Variants in ACP3 observed in about 807,000 individuals in gnomAD.
The protein encoded by ACP3 is acid phosphatase 3, also known as prostatic acid phosphatase.
In ACP3, 38 loss-of-function variants were observed where a neutral mutation model predicts 45.6. That is an observed-to-expected ratio of 0.83 (90% CI 0.64 to 1.09). ACP3 has a LOEUF of 1.09. Ranked by LOEUF, ACP3 falls within the 50% of genes least tolerant of loss-of-function variation. ACP3 has a pLI of 0.00. For synonymous variants in ACP3, 162 were observed against 164.7 expected (o/e 0.98, Z 0.13); for missense variants, 466 against 463.2 (o/e 1.01, Z -0.05).
rs528313072 is a variant in ACP3 at position 132,349,707 on chromosome 3, A to G, written c.782-213A>G. Among the ~76,000 whole-genome samples, 3 of 152,184 alleles carry G rather than the reference A, an allele frequency of 2.0e-5. No individual in the cohort carries two copies. The East Asian group carries it at 5.8e-4, about 29-fold the overall frequency. On this transcript the variant is annotated intron_variant, in intron 7 of 9. Coordinates refer to ENST00000336375, the MANE Select transcript of ACP3 (RefSeq NM_001099.5). The stretch of plus-strand genomic sequence containing the variant: ...TGGACTTAAGATTCCTTACCTAAAA[A>G]TGAGGGTTGAGACGTAGGATTCAGT...
Position 132,357,011 on chromosome 3 carries a change from C to T in ACP3, c.*133C>T. The T allele has an allele frequency of 7.2e-7, 1 of 1,395,678 alleles. No individual in the cohort carries two copies. Among genetic ancestry groups the T allele is most frequent in the Non-Finnish European group, 9.3e-7 (1 of 1,077,396 alleles). The allele number at this position is 1,395,678 out of a possible 1,614,324, so 86.5% of individuals were successfully genotyped here. ...GGATGATTATTTTATGTTTTAGGGACCCCCAACCTCAGGCAATTCCTACCT... is the reference window on the plus strand; with the variant it reads ...GGATGATTATTTTATGTTTTAGGGATCCCCAACCTCAGGCAATTCCTACCT... On this transcript the variant is annotated 3_prime_UTR_variant, in exon 10 of 10. Transcript: ENST00000336375.
intron 4 of ACP3, among the ~76,000 whole-genome samples, chr3:132,335,961 G>A (rs1487440179): frequency 6.6e-6 from 1 of 152,144 alleles, no homozygotes; most frequent in Non-Finnish European, 1.5e-5. Context: ...AAAGATTCAT[G>A]CTTAAAAAAT....
chr3:132,346,229 T>G (rs1442241143), intron 7 of ACP3, among the ~76,000 whole-genome samples: 1 of 152,114 alleles, frequency 6.6e-6, no homozygotes, highest in Non-Finnish European at 1.5e-5. Context: ...AAGGAATCAA[T>G]TATAGCTAGA....
chr3:132,349,468 A>G (rs1937668955), intron 7 of ACP3, among the ~76,000 whole-genome samples: 1 of 152,192 alleles, frequency 6.6e-6, no homozygotes, highest in African/African-American at 2.4e-5. Flanking sequence ...AAGAGGGGTG[A>G]AAATAGAGGA....
rs774508208 is a variant in ACP3, at chr3:132,356,815, A to C, written c.1098A>C (p.Gln366His). 6.2e-7 allele frequency: 1 copy of C among 1,614,064 alleles called. No individual in the cohort carries two copies. Among genetic ancestry groups the C allele is most frequent in the African/African-American group, 1.3e-5 (1 of 74,922 alleles). Residue 366 changes from glutamine to histidine, a missense_variant, in exon 10 of 10, where the codon CAA becomes CAC. Gln to His is a conservative substitution (Grantham distance 24). Coordinates refer to ENST00000336375, the MANE Select transcript of ACP3 (RefSeq NM_001099.5). ...AGCTGGTTGGCCCTGTGATCCCTCA[A>C]GACTGGTCCACGGAGTGTATGACCA... The part of the protein sequence containing the change: ...FAELVGPVIP[Q>H]DWSTECMTTN...
chr3:132,364,065 C>T (rs1938090153), intron 10 of ACP3, among the ~76,000 whole-genome samples: 1 of 152,192 alleles, frequency 6.6e-6, no homozygotes, highest in Admixed American at 6.5e-5. Flanking sequence ...GGCCCCTGGC[C>T]AGGCACAGTG....
chr3:132,358,107 A>T lies in ACP3; in HGVS notation c.*1229A>T. On this transcript the variant is annotated 3_prime_UTR_variant, in exon 10 of 10. Transcript: ENST00000336375. ...CAAAGTTGATTAAGAAAGGAAGTAT[A>T]GGCCAGGCACAGTGGCTCACACCTG... 1 of 181,912 alleles carries T rather than the reference A, an allele frequency of 5.5e-6. No individual in the cohort carries two copies. Among genetic ancestry groups the T allele is most frequent in the Non-Finnish European group, 1.0e-5 (1 of 95,440 alleles). 11.3% of individuals were successfully genotyped at this position (181,912 alleles called of 1,614,324 possible).
chr3:132,331,102 T>C (rs1398670411), intron 2 of ACP3, among the ~76,000 whole-genome samples: 3 of 152,194 alleles, frequency 2.0e-5, no homozygotes, highest in African/African-American at 7.2e-5. Context: ...GGCCCAAGAA[T>C]TTGATTTCTA....
At chr3:132,338,035 T>C (rs1937517098) in intron 5 of ACP3, among the ~76,000 whole-genome samples, 1 of 152,094 alleles carries the variant, frequency 6.6e-6, no homozygotes, top group African/African-American at 2.4e-5. Flanking sequence ...TGTCCAAAAA[T>C]TAGAAAATAT....
chr3:132,331,414 C>G (rs1390249746), intron 2 of ACP3, among the ~76,000 whole-genome samples: 1 of 152,204 alleles, frequency 6.6e-6, no homozygotes, highest in South Asian at 2.1e-4. Context: ...GTGCAAGTCT[C>G]TATGTTAAGT....
Position 132,356,837 on chromosome 3 carries a change from A to G in ACP3, c.1120A>G (p.Thr374Ala), listed in dbSNP as rs1937914819. 1 of 1,614,014 alleles carries G rather than the reference A, an allele frequency of 6.2e-7. No homozygotes were observed. The highest frequency in any genetic ancestry group is 1.7e-5 in the Admixed American group (1 of 59,998). The stretch of plus-strand genomic sequence containing the variant: ...TCAAGACTGGTCCACGGAGTGTATG[A>G]CCACAAACAGCCATCAAGGTACTGA... Reference protein sequence around the residue: ...IPQDWSTECMTTNSHQGTEDS... With the variant: ...IPQDWSTECMATNSHQGTEDS... Residue 374 changes from threonine (T) to alanine (A), a missense_variant, in exon 10 of 10, where the codon ACC becomes GCC. Coordinates refer to ENST00000336375, the MANE Select transcript of ACP3 (RefSeq NM_001099.5).
intron 4 of ACP3, among the ~76,000 whole-genome samples, chr3:132,334,303 C>T (rs1242261123): frequency 1.3e-5 from 2 of 152,128 alleles, no homozygotes; most frequent in Non-Finnish European, 2.9e-5. Context: ...ATCTGATTCA[C>T]TAAGGTCAAA....
intron 1 of ACP3, among the ~76,000 whole-genome samples, chr3:132,318,813 G>A (rs1489579987): frequency 1.3e-5 from 2 of 152,200 alleles, no homozygotes; most frequent in African/African-American, 4.8e-5. Flanking sequence ...TTTAGGGACT[G>A]TAGAAATTGT....
At chr3:132,343,035 G>A (rs191855774) in intron 6 of ACP3, among the ~76,000 whole-genome samples, 87 of 152,276 alleles carry the variant, frequency 5.7e-4, no homozygotes, top group Non-Finnish European at 1.1e-3. Context: ...CCTGATTTCC[G>A]AATGTAGAAA....
At chr3:132,364,940 A>G in intron 10 of ACP3, among the ~76,000 whole-genome samples, 1 of 152,142 alleles carries the variant, frequency 6.6e-6, no homozygotes, top group East Asian at 1.9e-4. Flanking sequence ...TCCCTCTTCA[A>G]TTTCATTTAG....
chr3:132,329,126 T>C (rs954359406), intron 2 of ACP3, among the ~76,000 whole-genome samples: 1 of 152,136 alleles, frequency 6.6e-6, no homozygotes, highest in African/African-American at 2.4e-5. Context: ...TCCCTTTGCT[T>C]GTAAGATTGG....
intron 8 of ACP3, among the ~76,000 whole-genome samples, chr3:132,350,856 T>C (rs1190139095): frequency 6.6e-6 from 1 of 152,190 alleles, no homozygotes; most frequent in African/African-American, 2.4e-5. Context: ...AATTATTTTA[T>C]AGAATAACTG....
chr3:132,318,518 A>C (rs1199336362), intron 1 of ACP3, among the ~76,000 whole-genome samples: 1 of 150,486 alleles, frequency 6.6e-6, no homozygotes, highest in Non-Finnish European at 1.5e-5. Context: ...TTTTTTCAGC[A>C]TGGGATATTC....
chr3:132,352,862 A>G, intron 9 of ACP3, 39 bp downstream of exon 9: 1 of 1,401,846 alleles, frequency 7.1e-7, no homozygotes, highest in Non-Finnish European at 1.0e-6. Context: ...GTATCACTGG[A>G]CCTTGGGTTT....
Sources: gnomAD v4.1 joint callset for allele counts (sites outside exome capture counted in the v4.1 genomes callset) on GRCh38, gnomAD v4.1.1 for gene constraint, MANE v1.5 for transcripts, NCBI Gene and HGNC (gene_info 2026-07-23, HGNC 2026-07-21) for gene names.